Variants in RIC1 observed in about 807,000 individuals in gnomAD.
RIC1 encodes the protein RIC1 partner of RAB6A GEF complex.
In RIC1, 88 loss-of-function variants were observed where a neutral mutation model predicts 169.0. That is an observed-to-expected ratio of 0.52 (90% confidence interval 0.44 to 0.62). The LOEUF (loss-of-function observed/expected upper bound fraction) is 0.62. Ranked by LOEUF, RIC1 falls within the 20% of genes least tolerant of loss-of-function variation. The pLI is 0.00. For synonymous variants in RIC1, 790 were observed against 601.5 expected (o/e 1.31, Z -4.59); for missense variants, 1,877 against 1,725.5 (o/e 1.09, Z -1.56).
chr9:5,745,711 C>T (rs866173756), intron 10 of RIC1, among the ~76,000 whole-genome samples: 2 of 152,284 alleles, frequency 1.3e-5, no homozygotes, highest in South Asian at 2.1e-4. Context: ...AATGTTTTCA[C>T]TTTTGCAGAT....
chr9:5,722,348 A>AGTGTGTGTGTGTGT (rs1554673860), intron 6 of RIC1, among the ~76,000 whole-genome samples: 48 of 131,334 alleles, frequency 3.7e-4, no homozygotes, highest in African/African-American at 1.4e-3. Context: ...AGAGAGAGAG[A>AGTGTGTGTGTGTGT]GTGTGTGTGT....
intron 2 of RIC1, among the ~76,000 whole-genome samples, chr9:5,664,743 T>A (rs1251673971): frequency 6.6e-6 from 1 of 152,234 alleles, no homozygotes; most frequent in Non-Finnish European, 1.5e-5. Flanking sequence ...CTCTTTCAGG[T>A]ACCCCAGTCA....
chr9:5,742,117 C>G (rs1313392864), intron 8 of RIC1, among the ~76,000 whole-genome samples: 1 of 152,152 alleles, frequency 6.6e-6, no homozygotes, highest in Non-Finnish European at 1.5e-5. Context: ...GTGTTCCTTG[C>G]TAATTCTTTT....
chr9:5,724,898 G>T (rs1823865034), intron 6 of RIC1, among the ~76,000 whole-genome samples: 1 of 152,142 alleles, frequency 6.6e-6, no homozygotes, highest in Non-Finnish European at 1.5e-5. Flanking sequence ...TGCATCCCAG[G>T]GATGAAGCCA....
chr9:5,772,786 T>TA, intron 24 of RIC1, 45 bp downstream of exon 24: 1 of 1,573,538 alleles, frequency 6.4e-7, no homozygotes, highest in African/African-American at 1.4e-5. Context: ...CTACTCAGAG[T>TA]ATTTGGGCAA....
chr9:5,745,420 C>T (rs1040607073), intron 10 of RIC1, among the ~76,000 whole-genome samples: 2 of 152,018 alleles, frequency 1.3e-5, no homozygotes, highest in African/African-American at 4.8e-5. Context: ...ACTTATATCC[C>T]GAGAAACGAG....
At chr9:5,742,710 C>T (rs537095027) in intron 8 of RIC1, among the ~76,000 whole-genome samples, 159 bp from the exon 9 acceptor site, 6 of 149,412 alleles carry the variant, frequency 4.0e-5, no homozygotes, top group South Asian at 2.1e-4. Context: ...GCCTTACTAA[C>T]TTTAAGTAGT....
At chr9:5,738,893 C>T (rs149654091) in intron 8 of RIC1, among the ~76,000 whole-genome samples, 1 of 152,240 alleles carries the variant, frequency 6.6e-6, no homozygotes, top group African/African-American at 2.4e-5. Flanking sequence ...CTTCTGCTGT[C>T]CATTACAGTA....
chr9:5,632,360 A>T (rs939260054), intron 1 of RIC1, among the ~76,000 whole-genome samples: 3 of 152,216 alleles, frequency 2.0e-5, no homozygotes, highest in African/African-American at 7.2e-5. Flanking sequence ...ACTGTACATT[A>T]TATGGGTCTT....
intron 1 of RIC1, among the ~76,000 whole-genome samples, chr9:5,636,331 T>G (rs1466530582): frequency 2.0e-5 from 3 of 152,150 alleles, no homozygotes; most frequent in Non-Finnish European, 4.4e-5. Flanking sequence ...CTTTTTCTGT[T>G]TTTTTTAGAC....
chr9:5,735,806 T>G (rs1428386680), intron 7 of RIC1, among the ~76,000 whole-genome samples: 6 of 152,184 alleles, frequency 3.9e-5, no homozygotes, highest in Admixed American at 2.6e-4. Context: ...TAGATTCTGG[T>G]TACACATTTT....
At chr9:5,757,912 G>T (rs149008798) in intron 17 of RIC1, among the ~76,000 whole-genome samples, 3 of 152,288 alleles carry the variant, frequency 2.0e-5, no homozygotes, top group African/African-American at 7.2e-5. Flanking sequence ...AAGTGAAAGA[G>T]GATATGAGTC....
At chr9:5,753,905 A>T (rs867020118) in intron 14 of RIC1, among the ~76,000 whole-genome samples, 11 of 152,264 alleles carry the variant, frequency 7.2e-5, no homozygotes, top group Admixed American at 2.6e-4. Context: ...CCTTAGCCTG[A>T]GGATTTATTC....
intron 6 of RIC1, among the ~76,000 whole-genome samples, chr9:5,727,521 C>T (rs557196381): frequency 2.0e-5 from 3 of 152,276 alleles, no homozygotes; most frequent in Admixed American, 6.5e-5. Context: ...TATTACTGAT[C>T]GTCTGAAGCC....
intron 3 of RIC1, among the ~76,000 whole-genome samples, chr9:5,703,376 A>G (rs868026526): frequency 1.3e-5 from 2 of 152,212 alleles, no homozygotes; most frequent in Non-Finnish European, 2.9e-5. Flanking sequence ...ACATAGCATT[A>G]AGTACATTTA....
chr9:5,681,517 A>T (rs2130646587), intron 2 of RIC1, among the ~76,000 whole-genome samples: 1 of 152,294 alleles, frequency 6.6e-6, no homozygotes, highest in African/African-American at 2.4e-5. Context: ...ACAGTTTGTT[A>T]TAATTTCTGT....
At chr9:5,689,769 T>TA (rs1821484736) in intron 2 of RIC1, among the ~76,000 whole-genome samples, 190 bp from the exon 3 acceptor site, 1 of 152,198 alleles carries the variant, frequency 6.6e-6, no homozygotes, top group South Asian at 2.1e-4. Flanking sequence ...TTGAAATCTG[T>TA]AAAAACCCTT....
chr9:5,764,191 G>C (rs1202164102), intron 19 of RIC1, among the ~76,000 whole-genome samples: 2 of 152,172 alleles, frequency 1.3e-5, no homozygotes, highest in African/African-American at 4.8e-5. Flanking sequence ...TATTACATAA[G>C]ATTATTGAAA....
At chr9:5,718,010 T>G (rs1357879793) in intron 4 of RIC1, among the ~76,000 whole-genome samples, 2 of 150,466 alleles carry the variant, frequency 1.3e-5, no homozygotes, top group East Asian at 2.0e-4. Flanking sequence ...CATGGTGGCG[T>G]GCGCCTGTAA....
Sources: gnomAD v4.1 joint callset for allele counts (sites outside exome capture counted in the v4.1 genomes callset) on GRCh38, gnomAD v4.1.1 for gene constraint, MANE v1.5 for transcripts, NCBI Gene and HGNC (gene_info 2026-07-23, HGNC 2026-07-21) for gene names.